The following GRM7 variants were observed in gnomAD, a reference collection of about 807,000 sequenced individuals.
The protein encoded by GRM7 is metabotropic glutamate receptor 7.
Under a neutral mutation model 84.5 loss-of-function variants are expected in GRM7, and 35 were observed. The ratio of observed to expected loss-of-function variants is 0.41; its 90% CI spans 0.32 to 0.55. The LOEUF is 0.55. Ranked by LOEUF, GRM7 falls within the 20% of genes least tolerant of loss-of-function variation. The pLI, the probability that GRM7 is intolerant of heterozygous loss-of-function variation, is 0.19. For missense variants in GRM7, 1,003 were observed against 1,194.6 expected (o/e 0.84, Z 2.36); for synonymous variants, 487 against 455.1 (o/e 1.07, Z -0.89).
At chr3:7,520,835 C>A (rs534823561) in intron 7 of GRM7, among the ~76,000 whole-genome samples, 1 of 152,294 alleles carries the variant, frequency 6.6e-6, no homozygotes, top group Non-Finnish European at 1.5e-5. Context: ...CTTCTGTCAG[C>A]TCATACATAG....
At chr3:7,530,473 T>C (rs1700993831) in intron 7 of GRM7, among the ~76,000 whole-genome samples, 1 of 152,196 alleles carries the variant, frequency 6.6e-6, no homozygotes, top group Non-Finnish European at 1.5e-5. Flanking sequence ...ATGGGATTGC[T>C]GGGTCAAATG....
At chr3:7,135,999 C>G (rs1243634988) in intron 1 of GRM7, among the ~76,000 whole-genome samples, 1 of 151,916 alleles carries the variant, frequency 6.6e-6, no homozygotes, top group African/African-American at 2.4e-5. Flanking sequence ...AGTATGTTTC[C>G]AAGCCTAGGA....
intron 7 of GRM7, among the ~76,000 whole-genome samples, chr3:7,575,858 G>GA (rs5846528): frequency 7.3e-5 from 11 of 150,838 alleles, no homozygotes; most frequent in African/African-American, 2.7e-4. Context: ...GATAAGTTAA[G>GA]AAAAAAAAAG....
chr3:6,996,621 C>G (rs1257150670), intron 1 of GRM7, among the ~76,000 whole-genome samples: 2 of 152,122 alleles, frequency 1.3e-5, no homozygotes, highest in Non-Finnish European at 2.9e-5. Flanking sequence ...GATAAAATGA[C>G]CCAACTTCTC....
intron 1 of GRM7, among the ~76,000 whole-genome samples, chr3:6,977,028 G>A (rs1694026099): frequency 6.6e-6 from 1 of 152,088 alleles, no homozygotes; most frequent in Non-Finnish European, 1.5e-5. Context: ...GTTACTGACT[G>A]GACAGCTACT....
At chr3:7,121,713 A>G (rs147292720) in intron 1 of GRM7, among the ~76,000 whole-genome samples, 9 of 152,310 alleles carry the variant, frequency 5.9e-5, no homozygotes, top group African/African-American at 9.6e-5. Flanking sequence ...GCAAATATCA[A>G]TGAGGAAGCA....
chr3:7,614,032 G>A (rs1360776881), intron 8 of GRM7, among the ~76,000 whole-genome samples: 1 of 152,130 alleles, frequency 6.6e-6, no homozygotes, highest in African/African-American at 2.4e-5. Flanking sequence ...GGGAGGCCAA[G>A]GCGAGCTGAT....
At chr3:7,624,064 C>T (rs1697492134) in intron 8 of GRM7, among the ~76,000 whole-genome samples, 2 of 152,146 alleles carry the variant, frequency 1.3e-5, no homozygotes, top group East Asian at 1.9e-4. Context: ...GTCACTAAAA[C>T]GCATTGAACT....
At chr3:7,517,762 C>G (rs900776765) in intron 7 of GRM7, among the ~76,000 whole-genome samples, 2 of 152,182 alleles carry the variant, frequency 1.3e-5, no homozygotes, top group African/African-American at 2.4e-5. Flanking sequence ...TTAACACTGT[C>G]TGGGGATTAT....
chr3:7,459,276 A>T (rs933127572), intron 6 of GRM7, among the ~76,000 whole-genome samples: 3 of 152,138 alleles, frequency 2.0e-5, no homozygotes, highest in Admixed American at 1.3e-4. Flanking sequence ...TTGGAAAATT[A>T]AAAAAATGTT....
intron 1 of GRM7, among the ~76,000 whole-genome samples, chr3:6,875,500 A>C (rs1574954820): frequency 6.6e-6 from 1 of 152,248 alleles, no homozygotes; most frequent in Middle Eastern, 3.4e-3. Context: ...TGTAAGGTGT[A>C]GCTTTGCTCT....
At chr3:7,692,797 T>C (rs1205963078) in intron 9 of GRM7, among the ~76,000 whole-genome samples, 1 of 152,118 alleles carries the variant, frequency 6.6e-6, no homozygotes, top group African/African-American at 2.4e-5. Flanking sequence ...TGAAATGGGA[T>C]TGAATAGGGT....
At position 7,103,749 on chromosome 3, in the gene GRM7, C is replaced by CCTTTCTTTCTTTCTTTCTCTTT. The variant is rs1263451991; in HGVS notation, c.520-42685_520-42684insCTTTCTTTCTTTCTTTCTTTCT. Among the ~76,000 whole-genome samples, 157 of 96,724 alleles carry CCTTTCTTTCTTTCTTTCTCTTT rather than the reference C, an allele frequency of 1.6e-3. 8 individuals are homozygous for CCTTTCTTTCTTTCTTTCTCTTT. Among genetic ancestry groups the CCTTTCTTTCTTTCTTTCTCTTT allele is most frequent in the Middle Eastern group, 5.1e-3 (1 of 198 alleles). 63.5% of individuals were successfully genotyped at this position (96,724 alleles called of 152,430 possible). A position where few individuals can be genotyped will look rare whatever the true frequency, so the allele number is the denominator to read the frequency against. ...CTCTCTTTTTCTCTTTCTCTCTCTC[C>CCTTTCTTTCTTTCTTTCTCTTT]CTTTCTTTCTTTCTTTCTTTCTTTC... On this transcript the variant is annotated intron_variant, in intron 1 of 9. Transcript: ENST00000357716.
chr3:7,222,128 TAA>T (rs111957642), intron 2 of GRM7, among the ~76,000 whole-genome samples: 12 of 151,808 alleles, frequency 7.9e-5, no homozygotes, highest in African/African-American at 1.7e-4. Context: ...CTTTAAGTCT[TAA>T]AAAAAACCAG....
At chr3:6,916,543 G>C (rs953861628) in intron 1 of GRM7, among the ~76,000 whole-genome samples, 1 of 152,126 alleles carries the variant, frequency 6.6e-6, no homozygotes, top group Non-Finnish European at 1.5e-5. Context: ...CACAATCAAG[G>C]TGCCAGCAGA....
intron 1 of GRM7, among the ~76,000 whole-genome samples, chr3:7,023,912 G>A (rs1423342111): frequency 2.6e-5 from 4 of 152,110 alleles, no homozygotes; most frequent in Non-Finnish European, 4.4e-5. Flanking sequence ...GGATTCTATC[G>A]CTCTTCAGGG....
chr3:6,918,033 C>G (rs1409229695), intron 1 of GRM7, among the ~76,000 whole-genome samples: 2 of 152,124 alleles, frequency 1.3e-5, no homozygotes, highest in Admixed American at 1.3e-4. Context: ...TTTAAGCAGT[C>G]ATATAACAAC....
chr3:7,704,531 T>A (rs774184844), intron 9 of GRM7, among the ~76,000 whole-genome samples: 2 of 152,206 alleles, frequency 1.3e-5, no homozygotes, highest in Non-Finnish European at 2.9e-5. Flanking sequence ...AATATTAAAA[T>A]GTCTTTTGAT....
chr3:7,210,431 A>G (rs1696383001), intron 2 of GRM7, among the ~76,000 whole-genome samples: 1 of 152,216 alleles, frequency 6.6e-6, no homozygotes, highest in Non-Finnish European at 1.5e-5. Flanking sequence ...AACACTTAAT[A>G]TTAGTTCAAA....
Sources: allele counts gnomAD v4.1 joint callset (sites outside exome capture counted in the v4.1 genomes callset), GRCh38; gene constraint gnomAD v4.1.1; transcripts MANE v1.5; gene names NCBI Gene and HGNC (gene_info 2026-07-23, HGNC 2026-07-21).